The following NKAIN2 variants were observed in gnomAD, a reference collection of about 807,000 sequenced individuals.
NKAIN2 encodes sodium/potassium transporting ATPase interacting 2, also known as sodium/potassium-transporting ATPase subunit beta-1-interacting protein 2.
In NKAIN2, 14 loss-of-function variants were observed where a neutral mutation model predicts 32.6. The ratio of observed to expected loss-of-function variants is 0.43; its 90% CI spans 0.28 to 0.67. The LOEUF is 0.67. Ranked by LOEUF, NKAIN2 falls within the 30% of genes least tolerant of loss-of-function variation. The pLI, the probability that NKAIN2 is intolerant of heterozygous loss-of-function variation, is 0.17. For missense variants in NKAIN2, 198 were observed against 258.3 expected, an observed-to-expected ratio of 0.77 and a Z score of 1.60; for synonymous variants, 80 against 87.2, an observed-to-expected ratio of 0.92 and a Z score of 0.46.
chr6:124,553,534 C>T (rs1244319508), intron 3 of NKAIN2, among the ~76,000 whole-genome samples: 4 of 152,034 alleles, frequency 2.6e-5, no homozygotes, highest in Non-Finnish European at 4.4e-5. Flanking sequence ...CTCCAACTCC[C>T]GACCTCAGAT....
intron 3 of NKAIN2, among the ~76,000 whole-genome samples, chr6:124,569,307 A>G (rs1225097084): frequency 5.3e-5 from 8 of 152,098 alleles, no homozygotes; most frequent in Admixed American, 1.3e-4. Flanking sequence ...ATTTTTTTCT[A>G]CCTAAAAACC....
chr6:124,351,510 A>C (rs1205437280), intron 2 of NKAIN2, among the ~76,000 whole-genome samples: 3 of 147,608 alleles, frequency 2.0e-5, no homozygotes, highest in African/African-American at 7.4e-5. Flanking sequence ...AAAAAAACCA[A>C]AAAAAAAAAA....
intron 1 of NKAIN2, among the ~76,000 whole-genome samples, chr6:123,948,140 G>T (rs1467192693): frequency 6.6e-6 from 1 of 151,966 alleles, no homozygotes; most frequent in East Asian, 1.9e-4. Flanking sequence ...TTATGTATAT[G>T]TAGCACATTT....
intron 3 of NKAIN2, among the ~76,000 whole-genome samples, chr6:124,588,111 C>T (rs1281133562): frequency 6.6e-6 from 1 of 152,040 alleles, no homozygotes; most frequent in African/African-American, 2.4e-5. Flanking sequence ...TTTAAGTCTC[C>T]GTGACTTTTT....
In NKAIN2 at chr6:124,825,017, C is replaced by A. The variant is rs1223640109; in HGVS notation, c.*1788C>A. On this transcript the variant is annotated 3_prime_UTR_variant, in exon 7 of 7. Coordinates refer to ENST00000368417, the MANE Select transcript of NKAIN2 (RefSeq NM_001040214.3). ...TCCATACATACATGTATAAAATAAA[C>A]AATTGCAAACATGTCAGTGAAACCT... The A allele has an allele frequency of 6.6e-6, 1 of 152,514 alleles. No individual in the cohort carries two copies. Among genetic ancestry groups the A allele is most frequent in the Non-Finnish European group, 1.5e-5 (1 of 67,996 alleles). 9.4% of individuals were successfully genotyped at this position (152,514 alleles called of 1,614,324 possible). A position where few individuals can be genotyped will look rare whatever the true frequency, so the allele number is the denominator to read the frequency against.
intron 1 of NKAIN2, among the ~76,000 whole-genome samples, chr6:123,806,447 T>C (rs967098005): frequency 1.3e-5 from 2 of 152,032 alleles, no homozygotes; most frequent in African/African-American, 4.8e-5. Context: ...CCTCAGAGAT[T>C]CTTGGTAATT....
At chr6:124,469,676 T>G (rs1050992518) in intron 3 of NKAIN2, among the ~76,000 whole-genome samples, 5 of 152,204 alleles carry the variant, frequency 3.3e-5, no homozygotes, top group Non-Finnish European at 7.3e-5. Context: ...AAACTCCCTA[T>G]AGGACTCATA....
intron 4 of NKAIN2, among the ~76,000 whole-genome samples, chr6:124,738,708 A>G (rs892487331): frequency 3.3e-5 from 5 of 151,892 alleles, no homozygotes; most frequent in Non-Finnish European, 4.4e-5. Flanking sequence ...AGCAGTTACC[A>G]GAAGACCTTG....
At chr6:124,543,581 T>C in intron 3 of NKAIN2, among the ~76,000 whole-genome samples, 1 of 152,174 alleles carries the variant, frequency 6.6e-6, no homozygotes, top group East Asian at 1.9e-4. Context: ...TTAGAAATTT[T>C]GACTGACACA....
intron 1 of NKAIN2, among the ~76,000 whole-genome samples, chr6:124,255,293 G>A (rs1467543456): frequency 6.6e-6 from 1 of 152,154 alleles, no homozygotes; most frequent in African/African-American, 2.4e-5. Flanking sequence ...TTGTATATTT[G>A]GGAAATGGTG....
At chr6:124,798,063 T>TTATC (rs35465154) in intron 5 of NKAIN2, among the ~76,000 whole-genome samples, 5,045 of 148,532 alleles carry the variant, frequency 0.034, 96 homozygotes, top group South Asian at 0.04. Context: ...TATCTATCTA[T>TTATC]TATCTATCTA....
At chr6:124,216,687 T>A (rs994359332) in intron 1 of NKAIN2, among the ~76,000 whole-genome samples, 1 of 152,234 alleles carries the variant, frequency 6.6e-6, no homozygotes, top group African/African-American at 2.4e-5. Context: ...TAAATAAGTT[T>A]CATTCAGGTA....
At chr6:124,141,118 T>C (rs992135746) in intron 1 of NKAIN2, among the ~76,000 whole-genome samples, 1 of 152,220 alleles carries the variant, frequency 6.6e-6, no homozygotes, top group Non-Finnish European at 1.5e-5. Flanking sequence ...CTAGAAGAAC[T>C]GGCCCTCCCC....
At position 124,709,077 on chromosome 6, in the gene NKAIN2, T is replaced by C. The variant is rs1209864390; in HGVS notation, c.474+50691T>C. On this transcript the variant is annotated intron_variant, in intron 4 of 6. Transcript: ENST00000368417. ...TTGTTGAATTTTGTCAAAGGCTTTT[T>C]CTGCATCTATTGAGATAATCATGTG... 4.4e-4 allele frequency among the ~76,000 whole-genome samples: 53 copies of C among 121,428 alleles called. 2 individuals carry two copies. Among genetic ancestry groups the C allele is most frequent in the Admixed American group, 3.9e-3 (49 of 12,420 alleles). The allele number at this position is 121,428 out of a possible 152,430, so 79.7% of individuals were successfully genotyped here. A position where few individuals can be genotyped will look rare whatever the true frequency, so the allele number is the denominator to read the frequency against.
intron 3 of NKAIN2, among the ~76,000 whole-genome samples, chr6:124,438,570 C>T (rs1375243494): frequency 2.0e-5 from 3 of 152,118 alleles, no homozygotes; most frequent in East Asian, 1.9e-4. Context: ...GGCTTACTAC[C>T]TTTCACTTGT....
At chr6:124,016,044 A>G (rs1437620332) in intron 1 of NKAIN2, among the ~76,000 whole-genome samples, 1 of 152,146 alleles carries the variant, frequency 6.6e-6, no homozygotes, top group Non-Finnish European at 1.5e-5. Flanking sequence ...CTTCAAAAGT[A>G]TTTAGATCAT....
chr6:123,833,501 A>G (rs1774470857), intron 1 of NKAIN2, among the ~76,000 whole-genome samples: 2 of 152,170 alleles, frequency 1.3e-5, no homozygotes, highest in South Asian at 2.1e-4. Context: ...CATTGAAGCT[A>G]TAGATCAAGT....
intron 3 of NKAIN2, among the ~76,000 whole-genome samples, chr6:124,367,627 T>C (rs1478292647): frequency 6.6e-6 from 1 of 152,184 alleles, no homozygotes; most frequent in African/African-American, 2.4e-5. Flanking sequence ...CTAACTGCTA[T>C]GTGATTACAT....
chr6:124,677,483 T>C (rs1773419540), intron 4 of NKAIN2, among the ~76,000 whole-genome samples: 1 of 152,216 alleles, frequency 6.6e-6, no homozygotes, highest in Non-Finnish European at 1.5e-5. Flanking sequence ...CTTTGACTTA[T>C]TTCTCCTTTG....
Sources: gnomAD v4.1 joint callset for allele counts (sites outside exome capture counted in the v4.1 genomes callset) on GRCh38, gnomAD v4.1.1 for gene constraint, MANE v1.5 for transcripts, NCBI Gene and HGNC (gene_info 2026-07-23, HGNC 2026-07-21) for gene names.